Variants in TRHR observed in about 807,000 individuals in gnomAD.
TRHR encodes the protein thyrotropin releasing hormone receptor.
TRHR carries 14 observed loss-of-function variants against 28.0 expected under a neutral mutation model. That is an observed-to-expected ratio of 0.50 (90% CI 0.33 to 0.78). The LOEUF (loss-of-function observed/expected upper bound fraction) is 0.78, where lower values mean the gene tolerates loss of function less well. Among genes scored for constraint, TRHR ranks in the 30% least tolerant of loss-of-function variants. TRHR has a pLI of 0.02. For missense variants in TRHR, 438 were observed against 469.5 expected, an observed-to-expected ratio of 0.93 and a Z score of 0.62; for synonymous variants, 176 against 171.9, an observed-to-expected ratio of 1.02 and a Z score of -0.18.
intron 2 of TRHR, among the ~76,000 whole-genome samples, chr8:109,091,752 A>G (rs1379634118): frequency 6.6e-6 from 1 of 152,230 alleles, no homozygotes; most frequent in Non-Finnish European, 1.5e-5. Flanking sequence ...TTAGGAAAAC[A>G]TCTAAATGTT....
Position 109,120,416 on chromosome 8 carries a change from C to CTT in TRHR, c.*962_*963dup. Among the ~76,000 whole-genome samples the CTT allele has an allele frequency of 6.6e-6, 1 of 151,730 alleles. No homozygotes were observed. Among genetic ancestry groups the CTT allele is most frequent in the African/African-American group, 2.4e-5 (1 of 41,360 alleles). ...ATCTAGCTGAAAAGTCTGAAACATT[C>CTT]TTAAAAGCTTTGTTGTTATTCTAAG... On this transcript the variant is annotated 3_prime_UTR_variant, in exon 3 of 3. Coordinates refer to ENST00000518632, the MANE Select transcript of TRHR (RefSeq NM_003301.7).
At chr8:109,117,012 C>T (rs1811932369) in intron 2 of TRHR, among the ~76,000 whole-genome samples, 1 of 151,938 alleles carries the variant, frequency 6.6e-6, no homozygotes, top group African/African-American at 2.4e-5. Flanking sequence ...CACTGACATT[C>T]CGTGAAAAGA....
At chr8:109,095,844 A>G (rs73702770) in intron 2 of TRHR, among the ~76,000 whole-genome samples, 21,835 of 147,814 alleles carry the variant, frequency 0.15, 1,741 homozygotes, top group African/African-American at 0.21. Flanking sequence ...CGCCCCCCAT[A>G]GCTAAGCAAT....
At chr8:109,092,229 G>T (rs1051177938) in intron 2 of TRHR, among the ~76,000 whole-genome samples, 12 of 151,844 alleles carry the variant, frequency 7.9e-5, no homozygotes, top group Non-Finnish European at 1.5e-4. Context: ...ATAACAAGTA[G>T]AGAAACCATG....
intron 2 of TRHR, among the ~76,000 whole-genome samples, chr8:109,113,936 C>T (rs1480862193): frequency 6.6e-6 from 1 of 151,954 alleles, no homozygotes; most frequent in East Asian, 1.9e-4. Context: ...GCATATATAG[C>T]CCTCTTGAGG....
At chr8:109,114,533 G>A (rs528693626) in intron 2 of TRHR, among the ~76,000 whole-genome samples, 2 of 152,134 alleles carry the variant, frequency 1.3e-5, no homozygotes, top group East Asian at 3.9e-4. Context: ...TAAAAGTAAT[G>A]ACTTTGTAGT....
At chr8:109,105,169 G>C (rs922221775) in intron 2 of TRHR, among the ~76,000 whole-genome samples, 1 of 152,078 alleles carries the variant, frequency 6.6e-6, no homozygotes, top group Non-Finnish European at 1.5e-5. Flanking sequence ...AATTTATCCT[G>C]TGATTTTTAA....
In TRHR at chr8:109,087,855, T is replaced by A. The variant is rs1343287521; in HGVS notation, c.343T>A (p.Ser115Thr). Residue 115 changes from serine (S) to threonine (T), a missense_variant, in exon 2 of 3, where the codon TCA becomes ACA. By Grantham distance (58) the Ser-to-Thr change is moderately conservative. Transcript: ENST00000518632. ...QYLGINASSCSITAFTIERYI... is the reference protein window; with the variant it reads ...QYLGINASSCTITAFTIERYI... ...TTTGGGAATTAATGCATCCTCTTGT[T>A]CAATAACAGCCTTTACCATTGAGAG... The A allele has an allele frequency of 1.1e-5, 17 of 1,614,232 alleles. No homozygotes were observed. The Admixed American group carries it at 2.7e-4, about 25-fold the overall frequency.
intron 2 of TRHR, among the ~76,000 whole-genome samples, chr8:109,102,390 G>C (rs949433724): frequency 9.2e-5 from 14 of 152,096 alleles, no homozygotes; most frequent in Non-Finnish European, 1.6e-4. Flanking sequence ...ATAGGATAGG[G>C]CTCATCCTTC....
intron 2 of TRHR, among the ~76,000 whole-genome samples, chr8:109,101,972 A>G (rs759560483): frequency 2.6e-5 from 4 of 152,182 alleles, no homozygotes; most frequent in Non-Finnish European, 5.9e-5. Flanking sequence ...ACCAGGAGAA[A>G]GAATCACAGA....
intron 2 of TRHR, among the ~76,000 whole-genome samples, chr8:109,113,856 A>G (rs1811875783): frequency 6.6e-6 from 1 of 152,130 alleles, no homozygotes; most frequent in Admixed American, 6.6e-5. Context: ...AGAAGATTCA[A>G]AAGCATGCTA....
rs564777474 is a variant in TRHR, at chr8:109,098,054, T to C, written c.789+9753T>C. Among the ~76,000 whole-genome samples, 95 of 152,268 alleles carry C rather than the reference T, an allele frequency of 6.2e-4. 1 individual carries two copies. The highest frequency in any genetic ancestry group is 2.2e-3 in the African/African-American group (92 of 41,562). On this transcript the variant is annotated intron_variant, in intron 2 of 2. Transcript: ENST00000518632. The stretch of plus-strand genomic sequence containing the variant: ...AGTTCCAGTTCCACTGTGTCCTCTC[T>C]GCACTGTAGGCAAGAAGGCTGATCT...
intron 2 of TRHR, among the ~76,000 whole-genome samples, chr8:109,108,366 T>C (rs763992918): frequency 6.6e-6 from 1 of 152,140 alleles, no homozygotes; most frequent in Non-Finnish European, 1.5e-5. Flanking sequence ...TGTCTCTGTT[T>C]ACAATGTTAC....
At chr8:109,089,549 G>T (rs1403171635) in intron 2 of TRHR, among the ~76,000 whole-genome samples, 4 of 152,044 alleles carry the variant, frequency 2.6e-5, no homozygotes, top group Non-Finnish European at 2.9e-5. Context: ...TTTAAATGGT[G>T]CTGTAATACT....
At chr8:109,113,243 C>G (rs566327970) in intron 2 of TRHR, among the ~76,000 whole-genome samples, 2 of 152,226 alleles carry the variant, frequency 1.3e-5, no homozygotes, top group East Asian at 3.9e-4. Flanking sequence ...AACTTCACAT[C>G]TTCTCCCATT....
chr8:109,095,018 T>C (rs959536405), intron 2 of TRHR, among the ~76,000 whole-genome samples: 6 of 151,826 alleles, frequency 4.0e-5, no homozygotes, highest in African/African-American at 1.5e-4. Flanking sequence ...TTTTTTTTAA[T>C]GAGTTGGGGT....
intron 2 of TRHR, among the ~76,000 whole-genome samples, chr8:109,111,100 C>T (rs544280404): frequency 2.6e-5 from 4 of 151,130 alleles, no homozygotes; most frequent in Non-Finnish European, 5.9e-5. Context: ...TGCAGTGAGC[C>T]GAGATCACAC....
intron 2 of TRHR, among the ~76,000 whole-genome samples, chr8:109,101,545 T>C (rs760497340): frequency 6.6e-6 from 1 of 152,152 alleles, no homozygotes; most frequent in Non-Finnish European, 1.5e-5. Flanking sequence ...CAAAATTTCA[T>C]ATACAGTACT....
chr8:109,104,931 G>A (rs1811726921), intron 2 of TRHR, among the ~76,000 whole-genome samples: 1 of 152,072 alleles, frequency 6.6e-6, no homozygotes, highest in Admixed American at 6.6e-5. Flanking sequence ...AGCAGCCTGA[G>A]CAACATAGAA....
Sources: allele counts gnomAD v4.1 joint callset (sites outside exome capture counted in the v4.1 genomes callset), GRCh38; gene constraint gnomAD v4.1.1; transcripts MANE v1.5; gene names NCBI Gene and HGNC (gene_info 2026-07-23, HGNC 2026-07-21).